FOXP2: variants seen among roughly 807,000 people sequenced by gnomAD.
FOXP2 encodes the protein forkhead box P2.
FOXP2 carries 12 observed loss-of-function variants against 115.8 expected under a neutral mutation model. The ratio of observed to expected loss-of-function variants is 0.10; its 90% CI spans 0.07 to 0.17. The LOEUF is 0.17. Ranked by LOEUF, FOXP2 falls within the 10% of genes least tolerant of loss-of-function variation. The pLI is 1.00. For synonymous variants in FOXP2, 328 were observed against 297.7 expected, an observed-to-expected ratio of 1.10 and a Z score of -1.05; for missense variants, 629 against 843.5, an observed-to-expected ratio of 0.75 and a Z score of 3.15.
intron 1 of FOXP2, among the ~76,000 whole-genome samples, chr7:114,247,696 A>C (rs555274572): frequency 1.8e-4 from 28 of 152,250 alleles, no homozygotes; most frequent in South Asian, 1.7e-3. Flanking sequence ...TTTATAGTCC[A>C]CTTCTGGGCT....
chr7:114,333,570 T>C (rs553218303), intron 2 of FOXP2, among the ~76,000 whole-genome samples: 2 of 152,194 alleles, frequency 1.3e-5, no homozygotes, highest in African/African-American at 4.8e-5. Context: ...CTGGCTAAAA[T>C]GGTGAAACCC....
chr7:114,276,076 C>A (rs371098058), intron 1 of FOXP2, among the ~76,000 whole-genome samples: 2 of 152,218 alleles, frequency 1.3e-5, no homozygotes, highest in African/African-American at 2.4e-5. Context: ...ACTATCCCAG[C>A]GGGGTAGGCT....
intron 1 of FOXP2, among the ~76,000 whole-genome samples, chr7:114,094,002 C>G (rs984779349): frequency 1.4e-4 from 21 of 152,054 alleles, no homozygotes; most frequent in African/African-American, 5.1e-4. Context: ...ACTATGAATA[C>G]AGCAAGGACA....
At chr7:114,639,422 C>G (rs1805401668) in intron 6 of FOXP2, among the ~76,000 whole-genome samples, 1 of 152,028 alleles carries the variant, frequency 6.6e-6, no homozygotes. Flanking sequence ...ACAAGAAATT[C>G]CTACTCTTAT....
chr7:114,242,605 C>T (rs966177387), intron 1 of FOXP2, among the ~76,000 whole-genome samples: 1 of 152,258 alleles, frequency 6.6e-6, no homozygotes, highest in South Asian at 2.1e-4. Flanking sequence ...GAATCCTTAT[C>T]GTGGGAAATT....
At chr7:114,326,134 ATC>A (rs1361943872) in intron 2 of FOXP2, among the ~76,000 whole-genome samples, 1 of 152,112 alleles carries the variant, frequency 6.6e-6, no homozygotes, top group African/African-American at 2.4e-5. Context: ...AATGCAGACT[ATC>A]TGGCCTGAGT....
At chr7:114,228,443 C>T (rs1028757108) in intron 1 of FOXP2, among the ~76,000 whole-genome samples, 1 of 151,822 alleles carries the variant, frequency 6.6e-6, no homozygotes, top group African/African-American at 2.4e-5. Context: ...AATAGTGGTG[C>T]CTTTACTTTT....
At chr7:114,388,108 G>A (rs1792499211) in intron 2 of FOXP2, among the ~76,000 whole-genome samples, 1 of 152,204 alleles carries the variant, frequency 6.6e-6, no homozygotes, top group South Asian at 2.1e-4. Context: ...AAAGGTTTAG[G>A]TTTGGCCAAC....
At chr7:114,686,421 C>G (rs1199562550) in intron 16 of FOXP2, among the ~76,000 whole-genome samples, 2 of 152,202 alleles carry the variant, frequency 1.3e-5, no homozygotes, top group Admixed American at 6.5e-5. Context: ...GATCCACCCA[C>G]CTTGGCCTCC....
chr7:114,578,077 A>T (rs1256148537), intron 3 of FOXP2, among the ~76,000 whole-genome samples: 1 of 152,038 alleles, frequency 6.6e-6, no homozygotes, highest in Non-Finnish European at 1.5e-5. Flanking sequence ...TTTCTGGTGC[A>T]TAGATCATTA....
rs554661204 is a variant in FOXP2 at position 114,626,563 on chromosome 7, C to G, written c.259-1977C>G. Among the ~76,000 whole-genome samples the G allele has an allele frequency of 9.3e-5, 14 of 150,054 alleles. No homozygotes were observed. In the East Asian group the frequency reaches 2.3e-3, roughly 25 times the overall value. On this transcript the variant is annotated intron_variant, in intron 3 of 16. Coordinates refer to ENST00000350908, the MANE Select transcript of FOXP2 (RefSeq NM_014491.4). ...TCTCTCTCTCTCTCTGTCTCTCTCTCTATATATATCCATGTACATGTCTAT... is the reference window on the plus strand; with the variant it reads ...TCTCTCTCTCTCTCTGTCTCTCTCTGTATATATATCCATGTACATGTCTAT...
At chr7:114,200,870 C>T (rs909105331) in intron 1 of FOXP2, among the ~76,000 whole-genome samples, 3 of 152,140 alleles carry the variant, frequency 2.0e-5, no homozygotes, top group African/African-American at 7.2e-5. Context: ...TAAAAAATAA[C>T]CTGGTCTGGC....
chr7:114,451,390 T>C (rs980057111), intron 2 of FOXP2, among the ~76,000 whole-genome samples: 2 of 152,096 alleles, frequency 1.3e-5, no homozygotes, highest in African/African-American at 4.8e-5. Flanking sequence ...TTATCTTCTC[T>C]AATCCTCAAA....
intron 2 of FOXP2, among the ~76,000 whole-genome samples, chr7:114,392,223 G>C (rs1488147190): frequency 1.3e-5 from 2 of 151,582 alleles, no homozygotes; most frequent in African/African-American, 2.4e-5. Context: ...AACCAGTGTT[G>C]AGATCCTCTT....
At chr7:114,568,507 A>C (rs1801133120) in intron 3 of FOXP2, among the ~76,000 whole-genome samples, 1 of 151,576 alleles carries the variant, frequency 6.6e-6, no homozygotes, top group Non-Finnish European at 1.5e-5. Context: ...AAATTTGGGA[A>C]ATATTTGAGA....
intron 3 of FOXP2, among the ~76,000 whole-genome samples, chr7:114,539,059 C>T (rs1799527614): frequency 6.6e-6 from 1 of 151,772 alleles, no homozygotes; most frequent in South Asian, 2.1e-4. Context: ...TGCAACTTAA[C>T]ATTATTTTTA....
At chr7:114,209,084 G>A (rs572556853) in intron 1 of FOXP2, among the ~76,000 whole-genome samples, 179 of 152,238 alleles carry the variant, frequency 1.2e-3, no homozygotes, top group Non-Finnish European at 2.2e-3. Flanking sequence ...GTGTTGGAGC[G>A]ATCAGATGGA....
intron 2 of FOXP2, among the ~76,000 whole-genome samples, chr7:114,462,267 G>A (rs868620978): frequency 1.3e-5 from 1 of 76,398 alleles, no homozygotes; most frequent in Non-Finnish European, 2.3e-5. Flanking sequence ...GCGACAGAAC[G>A]AGACTCCGTG....
intron 6 of FOXP2, among the ~76,000 whole-genome samples, chr7:114,641,450 A>G (rs570177197): frequency 6.6e-6 from 1 of 152,310 alleles, no homozygotes; most frequent in South Asian, 2.1e-4. Context: ...TCATAAATGA[A>G]GGAGAAGTTT....
Sources: allele counts gnomAD v4.1 joint callset (sites outside exome capture counted in the v4.1 genomes callset), GRCh38; gene constraint gnomAD v4.1.1; transcripts MANE v1.5; gene names NCBI Gene and HGNC (gene_info 2026-07-23, HGNC 2026-07-21).